Variants in SHB observed in about 807,000 individuals in gnomAD.
SHB encodes the protein SH2 domain containing adaptor protein B.
In SHB, 20 loss-of-function variants were observed where a neutral mutation model predicts 52.3. The ratio of observed to expected loss-of-function variants is 0.38; its 90% CI spans 0.27 to 0.56. The LOEUF is 0.56. Among genes scored for constraint, SHB ranks in the 20% least tolerant of loss-of-function variants. The pLI is 0.71. For synonymous variants in SHB, 397 were observed against 316.5 expected, an observed-to-expected ratio of 1.25 and a Z score of -2.70; for missense variants, 825 against 723.3, an observed-to-expected ratio of 1.14 and a Z score of -1.61.
At chr9:38,008,434 T>C (rs961483713) in intron 2 of SHB, among the ~76,000 whole-genome samples, 5 of 152,220 alleles carry the variant, frequency 3.3e-5, no homozygotes, top group Non-Finnish European at 5.9e-5. Flanking sequence ...CTTGATGATC[T>C]CCTTCCTGTC....
intron 3 of SHB, among the ~76,000 whole-genome samples, chr9:37,960,887 T>A (rs1202103234): frequency 6.6e-6 from 1 of 151,962 alleles, no homozygotes; most frequent in Non-Finnish European, 1.5e-5. Context: ...AATAGCAGGG[T>A]GAGGGTCAAG....
intron 2 of SHB, among the ~76,000 whole-genome samples, chr9:37,985,488 C>T (rs895333489): frequency 2.0e-5 from 3 of 152,256 alleles, no homozygotes; most frequent in Non-Finnish European, 4.4e-5. Context: ...CCTTTGCGTG[C>T]GGAGGCCTCT....
chr9:37,948,945 T>C (rs1027262555), intron 4 of SHB, among the ~76,000 whole-genome samples, 191 bp from the exon 5 acceptor site: 2 of 152,052 alleles, frequency 1.3e-5, no homozygotes, highest in African/African-American at 2.4e-5. Context: ...CAAAACCCAG[T>C]CTCTTTTCAC....
At chr9:37,961,567 C>G (rs1255923379) in intron 3 of SHB, among the ~76,000 whole-genome samples, 1 of 152,226 alleles carries the variant, frequency 6.6e-6, no homozygotes, top group Non-Finnish European at 1.5e-5. Flanking sequence ...CCTGTGGGTT[C>G]CACACCCACC....
At chr9:37,984,721 TA>T (rs1820783089) in intron 2 of SHB, among the ~76,000 whole-genome samples, 1 of 152,172 alleles carries the variant, frequency 6.6e-6, no homozygotes, top group Non-Finnish European at 1.5e-5. Flanking sequence ...CGGTTCTTCC[TA>T]ATTAGACACG....
chr9:38,046,776 T>C (rs1821657641), intron 1 of SHB, among the ~76,000 whole-genome samples: 1 of 152,246 alleles, frequency 6.6e-6, no homozygotes, highest in Non-Finnish European at 1.5e-5. Context: ...AACAGTCATA[T>C]AATGTTTGGG....
chr9:38,015,406 C>G, intron 2 of SHB: 1 of 703,160 alleles, frequency 1.4e-6, no homozygotes, highest in Non-Finnish European at 2.6e-6. Context: ...CACACAATTG[C>G]TTTGACAAGG....
chr9:37,944,717 C>T (rs141702291), intron 5 of SHB, among the ~76,000 whole-genome samples: 218 of 152,306 alleles, frequency 1.4e-3, no homozygotes, highest in African/African-American at 5.1e-3. Context: ...CCCCGAGACC[C>T]GCCAAGGCTC....
intron 1 of SHB, among the ~76,000 whole-genome samples, chr9:38,041,800 G>A (rs764838676): frequency 1.3e-4 from 20 of 152,118 alleles, no homozygotes; most frequent in Admixed American, 2.0e-4. Flanking sequence ...CTGAATGCCC[G>A]AAGCACAAGC....
intron 5 of SHB, among the ~76,000 whole-genome samples, chr9:37,925,532 C>A (rs933679042): frequency 5.3e-5 from 8 of 152,216 alleles, no homozygotes; most frequent in African/African-American, 1.9e-4. Flanking sequence ...ACTCAGCCGC[C>A]CAGTGTCCCC....
intron 2 of SHB, among the ~76,000 whole-genome samples, chr9:37,985,257 GC>G (rs1386009550): frequency 6.6e-6 from 1 of 152,234 alleles, no homozygotes; most frequent in Non-Finnish European, 1.5e-5. Flanking sequence ...GAGTCAGGGT[GC>G]CTGGGTTTGC....
At chr9:38,012,008 T>C (rs923593326) in intron 2 of SHB, among the ~76,000 whole-genome samples, 2 of 152,094 alleles carry the variant, frequency 1.3e-5, no homozygotes, top group Non-Finnish European at 2.9e-5. Context: ...CTCCTGCCGG[T>C]GACACAAACT....
chr9:37,976,547 TAGGCACATCCTG>T (rs1487071975), intron 2 of SHB, among the ~76,000 whole-genome samples: 4 of 152,242 alleles, frequency 2.6e-5, no homozygotes, highest in Non-Finnish European at 4.4e-5. Flanking sequence ...CTGATCGGTC[TAGGCACATCCTG>T]AACAATGTGG....
chr9:37,928,725 GTGTGAACGTC>G (rs1832278604), intron 5 of SHB, among the ~76,000 whole-genome samples: 1 of 152,254 alleles, frequency 6.6e-6, no homozygotes, highest in Non-Finnish European at 1.5e-5. Flanking sequence ...TCCACATGAA[GTGTGAACGTC>G]TGACGAATCC....
intron 2 of SHB, among the ~76,000 whole-genome samples, chr9:38,007,839 G>A (rs1022876027): frequency 1.3e-5 from 2 of 152,178 alleles, no homozygotes; most frequent in Non-Finnish European, 2.9e-5. Flanking sequence ...TCAGAGAGGT[G>A]GGGGAGGGGT....
At chr9:38,002,891 C>A (rs1243135546) in intron 2 of SHB, among the ~76,000 whole-genome samples, 1 of 152,180 alleles carries the variant, frequency 6.6e-6, no homozygotes, top group Non-Finnish European at 1.5e-5. Context: ...AGAAATCACA[C>A]ATTTCTGCAA....
Position 37,918,487 on chromosome 9 carries a change from C to CTCTGTGTGTGTG in SHB, c.*1333_*1334insCACACACACAGA, listed in dbSNP as rs138634700. On this transcript the variant is annotated 3_prime_UTR_variant, in exon 6 of 6. Transcript: ENST00000377707. ...TGGAAGCAGTGTGGACCACTGAGGG[C>CTCTGTGTGTGTG]TGTGTGTGTGTGTGTGTGTGTGTGT... Among the ~76,000 whole-genome samples the CTCTGTGTGTGTG allele has an allele frequency of 2.2e-5, 1 of 45,512 alleles. No individual in the cohort carries two copies. The highest frequency in any genetic ancestry group is 8.6e-4 in the East Asian group (1 of 1,164). 29.9% of individuals were successfully genotyped at this position (45,512 alleles called of 152,430 possible).
intron 2 of SHB, among the ~76,000 whole-genome samples, chr9:38,013,700 T>C (rs1013111061): frequency 4.6e-5 from 7 of 152,156 alleles, no homozygotes; most frequent in Non-Finnish European, 7.4e-5. Flanking sequence ...TCCGGCTCCA[T>C]TCCTAAGGCA....
intron 3 of SHB, among the ~76,000 whole-genome samples, chr9:37,956,376 A>G (rs7043870): frequency 0.58 from 87,727 of 151,470 alleles, 25,640 homozygotes; most frequent in East Asian, 0.82. Flanking sequence ...CCTTGGGGGA[A>G]CTCTGTCCTC....
Sources: allele counts gnomAD v4.1 joint callset (sites outside exome capture counted in the v4.1 genomes callset), GRCh38; gene constraint gnomAD v4.1.1; transcripts MANE v1.5; gene names NCBI Gene and HGNC (gene_info 2026-07-23, HGNC 2026-07-21).